Variants in WDHD1 observed in about 807,000 individuals in gnomAD.
WDHD1 encodes the protein WD repeat and HMG-box DNA binding protein 1.
WDHD1 carries 111 observed loss-of-function variants against 135.4 expected under a neutral mutation model. The observed-to-expected ratio is 0.82, with a 90% CI of 0.70 to 0.96. The LOEUF (loss-of-function observed/expected upper bound fraction) is 0.96. Ranked by LOEUF, WDHD1 falls within the 40% of genes least tolerant of loss-of-function variation. The probability of loss-of-function intolerance (pLI) is 0.00; values close to 1 mark genes in which losing one functional copy is unlikely to be tolerated. For missense variants in WDHD1, 1,351 were observed against 1,336.3 expected (o/e 1.01, Z -0.17); for synonymous variants, 434 against 439.0 (o/e 0.99, Z 0.14).
intron 16 of WDHD1, among the ~76,000 whole-genome samples, chr14:54,976,695 T>C (rs1350025348): frequency 1.3e-5 from 2 of 152,110 alleles, no homozygotes; most frequent in Admixed American, 6.5e-5. Context: ...CTGAGAAGTG[T>C]TGCTTCCAAT....
rs554658479 is a variant in WDHD1, at chr14:54,981,388, A to G, written c.2063+152T>C. 8.1e-5 allele frequency: 55 copies of G among 682,050 alleles called. No homozygotes were observed. In the South Asian group the frequency reaches 1.2e-3, roughly 15 times the overall value. 42.2% of individuals were successfully genotyped at this position (682,050 alleles called of 1,614,324 possible). A position where few individuals can be genotyped will look rare whatever the true frequency, so the allele number is the denominator to read the frequency against. ...AGTAAAGCAAGTGACTGAAAACTTC[A>G]GAGTGAATATGAACAAATTCCTAAT... On this transcript the variant is annotated intron_variant, in intron 16 of 25. Transcript: ENST00000360586.
At position 55,000,905 on chromosome 14, in the gene WDHD1, T is replaced by A; in HGVS notation, c.781A>T (p.Thr261Ser). ...NGLIIVWNVE[T>S]KDCMERVKHE... ...TCATACCTTTCCATGCAGTCTTTGG[T>A]TTCCACATTCCAAACTATGATTAGA... The change falls in exon 9 of 26, where the codon ACC (threonine) becomes TCC (serine). Residue 261 changes from threonine (T) to serine (S), a missense_variant. Physicochemically the swap from Thr to Ser is moderately conservative, Grantham distance 58 (BLOSUM62 1). This residue lies in a region of WDHD1 where 1,330 missense variants were observed against 1,296.1 expected (regional missense o/e 1.03). Transcript: ENST00000360586. 1 of 1,581,838 alleles carries A rather than the reference T, an allele frequency of 6.3e-7. No homozygotes were observed. Among genetic ancestry groups the A allele is most frequent in the Non-Finnish European group, 8.6e-7 (1 of 1,165,934 alleles).
At chr14:54,982,263 C>G (rs1022222928) in intron 15 of WDHD1, among the ~76,000 whole-genome samples, 1 of 152,206 alleles carries the variant, frequency 6.6e-6, no homozygotes, top group Admixed American at 6.5e-5. Flanking sequence ...CCCGCCTCAG[C>G]CTCCCAAAGT....
chr14:54,988,736 TAAA>T (rs10715034), intron 13 of WDHD1, among the ~76,000 whole-genome samples: 2 of 136,066 alleles, frequency 1.5e-5, no homozygotes, highest in Non-Finnish European at 1.6e-5. Context: ...CTTATAATAG[TAAA>T]AAAAAAAAAA....
At chr14:54,978,886 A>G (rs1454586679) in intron 16 of WDHD1, among the ~76,000 whole-genome samples, 2 of 152,220 alleles carry the variant, frequency 1.3e-5, no homozygotes, top group Admixed American at 1.3e-4. Context: ...TACCAAATCT[A>G]TCTGCATTTG....
In WDHD1 at chr14:55,008,705, T is replaced by C. The variant is rs532319203; in HGVS notation, c.356A>G (p.Lys119Arg). ...IAAGSSDFLV[K>R]IVDVMDSSQQ... is the part of the protein sequence containing the mutation. ...GCTGCTATCCATCACATCCACAATT[T>C]TGACTAGAAAATCACTAAGAACAAA... is the stretch of plus-strand genomic sequence containing the variant. Residue 119 changes from lysine (K) to arginine (R), a missense_variant, in exon 5 of 26, where the codon AAA (lysine) becomes AGA (arginine). Lys to Arg is a conservative substitution (Grantham distance 26). Coordinates refer to ENST00000360586, the MANE Select transcript of WDHD1 (RefSeq NM_007086.4). The C allele has an allele frequency of 4.3e-6, 7 of 1,610,670 alleles. No individual in the cohort carries two copies. The highest frequency in any genetic ancestry group is 1.7e-5 in the Admixed American group (1 of 59,228).
intron 12 of WDHD1, among the ~76,000 whole-genome samples, chr14:54,990,420 A>G (rs888806880): frequency 1.3e-5 from 2 of 152,084 alleles, no homozygotes; most frequent in Admixed American, 6.6e-5. Flanking sequence ...ACATGGTGAA[A>G]TCCCATCTCT....
chr14:54,947,855 G>C (rs942154439), intron 24 of WDHD1, among the ~76,000 whole-genome samples: 3 of 151,686 alleles, frequency 2.0e-5, no homozygotes, highest in Non-Finnish European at 4.4e-5. Flanking sequence ...GCCTCCCAAA[G>C]TGCTGGGATT....
intron 18 of WDHD1, among the ~76,000 whole-genome samples, chr14:54,963,670 T>G (rs1051532631): frequency 2.0e-5 from 3 of 151,790 alleles, no homozygotes; most frequent in Non-Finnish European, 2.9e-5. Context: ...CGTGGTGGCG[T>G]GCGCCTGTAA....
intron 10 of WDHD1, among the ~76,000 whole-genome samples, chr14:54,997,546 A>T (rs1436496306): frequency 1.3e-5 from 2 of 152,220 alleles, no homozygotes; most frequent in East Asian, 3.8e-4. Flanking sequence ...AAGATATTCA[A>T]CCATTCCATT....
chr14:54,944,583 G>A, intron 24 of WDHD1, 113 bp from the exon 25 acceptor site: 2 of 963,572 alleles, frequency 2.1e-6, no homozygotes, highest in Non-Finnish European at 2.9e-6. Context: ...TATAAAGTAA[G>A]GAAGACACAG....
At chr14:55,013,618 TAA>T (rs766398734) in intron 2 of WDHD1, 22 bp from the exon 3 acceptor site, 97 of 1,588,518 alleles carry the variant, frequency 6.1e-5, no homozygotes, top group Non-Finnish European at 7.6e-5. Context: ...AGACACAAAT[TAA>T]AGTCATCGGG....
chr14:54,983,256 T>C (rs2041646555), intron 15 of WDHD1, among the ~76,000 whole-genome samples: 1 of 152,206 alleles, frequency 6.6e-6, no homozygotes, highest in Non-Finnish European at 1.5e-5. Context: ...GAATTTGGTC[T>C]AAAATAGCAC....
intron 23 of WDHD1, among the ~76,000 whole-genome samples, chr14:54,955,969 C>T (rs2041153165): frequency 6.8e-6 from 1 of 147,074 alleles, no homozygotes; most frequent in Admixed American, 7.0e-5. Flanking sequence ...GCTATCTCGG[C>T]TCACTGCAAC....
At chr14:54,955,785 T>C in intron 23 of WDHD1, 91 bp from the exon 24 acceptor site, 2 of 1,145,384 alleles carry the variant, frequency 1.7e-6, no homozygotes, top group Non-Finnish European at 2.3e-6. Flanking sequence ...GAAACATCTA[T>C]AATTATTGAG....
chr14:54,996,409 A>G (rs2041879686), intron 10 of WDHD1, among the ~76,000 whole-genome samples: 2 of 152,136 alleles, frequency 1.3e-5, no homozygotes, highest in African/African-American at 4.8e-5. Context: ...GGAGTTCGAG[A>G]CCAGCCTGGA....
Position 54,944,358 on chromosome 14 carries a change from T to A in WDHD1, c.3163A>T (p.Arg1055Ter). Residue 1055 changes from arginine (R) to a stop codon, truncating the protein, a stop_gained, in exon 25 of 26, where the codon AGA becomes TGA. Transcript: ENST00000360586. LOFTEE classifies it high-confidence loss of function. Reference protein sequence around the residue: ...DIIKEGMIRFRVLSTEERKVW... With the variant: ...DIIKEGMIRF ...TTTCTTTCTTCAGTTGACAATACTC[T>A]AAATCGAATCATTCCTTCTTTTATT... 1 of 1,607,474 alleles carries A rather than the reference T, an allele frequency of 6.2e-7. No homozygotes were observed. The highest frequency in any genetic ancestry group is 8.5e-7 in the Non-Finnish European group (1 of 1,178,742).
chr14:54,952,829 C>G (rs946839163), intron 24 of WDHD1, among the ~76,000 whole-genome samples: 1 of 152,170 alleles, frequency 6.6e-6, no homozygotes, highest in Non-Finnish European at 1.5e-5. Context: ...CACACATCTA[C>G]AACCATCTGA....
At chr14:55,025,369 T>A (rs868257110) in intron 2 of WDHD1, among the ~76,000 whole-genome samples, 1 of 151,564 alleles carries the variant, frequency 6.6e-6, no homozygotes. Context: ...GGATCCTCCA[T>A]ATGCTGAACG....
Sources: gnomAD v4.1 joint callset for allele counts (sites outside exome capture counted in the v4.1 genomes callset) on GRCh38, gnomAD v4.1.1 for gene constraint, gnomAD v4.1.1 regional missense constraint, MANE v1.5 for transcripts, NCBI Gene and HGNC (gene_info 2026-07-23, HGNC 2026-07-21) for gene names.